Variants in MPC2 observed in about 807,000 individuals in gnomAD.
MPC2 encodes mitochondrial pyruvate carrier 2, also known as brain protein 44.
MPC2 carries 19 observed loss-of-function variants against 19.2 expected under a neutral mutation model. The observed-to-expected ratio is 0.99, with a 90% CI of 0.69 to 1.45. The LOEUF (loss-of-function observed/expected upper bound fraction) is 1.45. Among genes scored for constraint, MPC2 ranks in the 40% most tolerant of loss-of-function variants. The pLI is 0.00. For synonymous variants in MPC2, 61 were observed against 54.3 expected, an observed-to-expected ratio of 1.12 and a Z score of -0.54; for missense variants, 122 against 153.0, an observed-to-expected ratio of 0.80 and a Z score of 1.07.
chr1:167,927,690 G>A (rs1048738835), intron 2 of MPC2, among the ~76,000 whole-genome samples: 12 of 147,492 alleles, frequency 8.1e-5, no homozygotes, highest in Admixed American at 2.0e-4. Flanking sequence ...GTTAATAGTC[G>A]ATCTTTTCAG....
chr1:167,922,399 A>G (rs144249923), intron 3 of MPC2, among the ~76,000 whole-genome samples: 4 of 152,280 alleles, frequency 2.6e-5, no homozygotes, highest in African/African-American at 9.6e-5. Context: ...TTGAGATCAA[A>G]GAGGCCCCTA....
At chr1:167,934,490 T>A (rs533921124) in intron 2 of MPC2, among the ~76,000 whole-genome samples, 1 of 152,342 alleles carries the variant, frequency 6.6e-6, no homozygotes, top group South Asian at 2.1e-4. Context: ...AAAAACTTTT[T>A]AAATCAGTAA....
chr1:167,931,745 T>C (rs369660636), intron 2 of MPC2, among the ~76,000 whole-genome samples: 10 of 152,140 alleles, frequency 6.6e-5, no homozygotes, highest in African/African-American at 2.2e-4. Flanking sequence ...TTGCACTAAG[T>C]TGTATTTAAC....
chr1:167,925,741 G>A lies in MPC2; in HGVS notation c.110-1204C>T, dbSNP rs912221708. On this transcript the variant is annotated intron_variant, in intron 2 of 5. Coordinates refer to ENST00000271373, the MANE Select transcript of MPC2 (RefSeq NM_001143674.4). ...TTTTTGTATCTTTAATAGAGACAGG[G>A]TTTCACCATGTTGGCCAGGCTGGTC... Among the ~76,000 whole-genome samples the A allele has an allele frequency of 6.6e-5, 10 of 151,596 alleles. No individual in the cohort carries two copies. In the East Asian group the frequency reaches 1.2e-3, roughly 18 times the overall value.
intron 4 of MPC2, 116 bp from the exon 5 acceptor site, chr1:167,920,206 T>C (rs1302224575): frequency 6.1e-6 from 4 of 660,698 alleles, no homozygotes; most frequent in Admixed American, 3.1e-5. Flanking sequence ...GACAAAGAAA[T>C]GCTATACTCT....
At chr1:167,919,843 T>C (rs758021542) in intron 5 of MPC2, 136 bp downstream of exon 5, 17 of 554,804 alleles carry the variant, frequency 3.1e-5, no homozygotes, top group Non-Finnish European at 3.9e-5. Context: ...CTTAGCATTA[T>C]ATATGAATCT....
intron 5 of MPC2, among the ~76,000 whole-genome samples, chr1:167,919,478 T>C (rs1055189789): frequency 2.6e-5 from 4 of 152,304 alleles, no homozygotes; most frequent in Non-Finnish European, 5.9e-5. Flanking sequence ...ACTGAGTAAA[T>C]AGTTTAAAAA....
At chr1:167,923,016 C>T (rs1000437960) in intron 3 of MPC2, among the ~76,000 whole-genome samples, 1 of 152,036 alleles carries the variant, frequency 6.6e-6, no homozygotes, top group Non-Finnish European at 1.5e-5. Flanking sequence ...CCATTAGGTG[C>T]CTATCATAAA....
chr1:167,934,998 G>A (rs1394820464), intron 2 of MPC2, among the ~76,000 whole-genome samples: 1 of 151,974 alleles, frequency 6.6e-6, no homozygotes, highest in East Asian at 1.9e-4. Context: ...CGTTTACTGA[G>A]CATTTACAAA....
chr1:167,936,168 G>A (rs1052522182), intron 1 of MPC2: 1 of 304,068 alleles, frequency 3.3e-6, no homozygotes, highest in Non-Finnish European at 6.3e-6. Context: ...CAGCGCGCTT[G>A]CGCAGGCCGA....
At chr1:167,920,114 A>T (rs894979236) in intron 4 of MPC2, 24 bp from the exon 5 acceptor site, 2 of 1,443,392 alleles carry the variant, frequency 1.4e-6, no homozygotes, top group African/African-American at 2.8e-5. Flanking sequence ...ATGTTACTTT[A>T]AAAAGAATAC....
intron 5 of MPC2, among the ~76,000 whole-genome samples, chr1:167,918,766 T>G (rs1402950807): frequency 6.6e-6 from 1 of 151,944 alleles, no homozygotes; most frequent in East Asian, 1.9e-4. Context: ...GCTAATTTTT[T>G]GTATTTTTAG....
chr1:167,921,367 G>C (rs368777890), intron 3 of MPC2, among the ~76,000 whole-genome samples: 3 of 151,876 alleles, frequency 2.0e-5, no homozygotes, highest in African/African-American at 7.3e-5. Flanking sequence ...AATTACAGGC[G>C]TGTGCCAATA....
chr1:167,926,622 G>A (rs966876738), intron 2 of MPC2, among the ~76,000 whole-genome samples: 2 of 150,738 alleles, frequency 1.3e-5, no homozygotes, highest in African/African-American at 4.8e-5. Flanking sequence ...TGCTGCAGAT[G>A]CTGCTGCTGC....
chr1:167,934,463 C>T (rs1671004214), intron 2 of MPC2, among the ~76,000 whole-genome samples: 1 of 152,128 alleles, frequency 6.6e-6, no homozygotes, highest in Non-Finnish European at 1.5e-5. Context: ...GTTAAAAGAA[C>T]TAAAAGGCAA....
chr1:167,922,485 G>GAT (rs1670626354), intron 3 of MPC2, among the ~76,000 whole-genome samples: 1 of 151,826 alleles, frequency 6.6e-6, no homozygotes, highest in African/African-American at 2.4e-5. Flanking sequence ...CCACTATAAA[G>GAT]ATATATTATT....
At chr1:167,932,795 C>CA (rs1382551251) in intron 2 of MPC2, among the ~76,000 whole-genome samples, 1 of 114,574 alleles carries the variant, frequency 8.7e-6, no homozygotes, top group Non-Finnish European at 1.7e-5. Context: ...GGGAACAGAG[C>CA]AAGACTCTGT....
At chr1:167,924,194 C>T (rs931095081) in intron 3 of MPC2, among the ~76,000 whole-genome samples, 1 of 152,064 alleles carries the variant, frequency 6.6e-6, no homozygotes, top group Admixed American at 6.6e-5. Context: ...TTCTAACTAG[C>T]TTAATGTTTT....
chr1:167,922,481 T>C (rs1243055016), intron 3 of MPC2, among the ~76,000 whole-genome samples: 1 of 151,986 alleles, frequency 6.6e-6, no homozygotes, highest in Non-Finnish European at 1.5e-5. Context: ...AATTCCACTA[T>C]AAAGATATAT....
Sources: allele counts gnomAD v4.1 joint callset (sites outside exome capture counted in the v4.1 genomes callset), GRCh38; gene constraint gnomAD v4.1.1; transcripts MANE v1.5; gene names NCBI Gene and HGNC (gene_info 2026-07-23, HGNC 2026-07-21).